Variants in PRDM6 observed in about 807,000 individuals in gnomAD.
PRDM6 encodes the protein putative histone-lysine N-methyltransferase PRDM6.
In PRDM6, 25 loss-of-function variants were observed where a neutral mutation model predicts 60.8. That is an observed-to-expected ratio of 0.41 (90% CI 0.30 to 0.57). The LOEUF (loss-of-function observed/expected upper bound fraction) is 0.57. PRDM6 is among the 20% of genes least tolerant of loss of function. PRDM6 has a pLI of 0.27. For synonymous variants in PRDM6, 407 were observed against 357.4 expected (o/e 1.14, Z -1.57); for missense variants, 839 against 821.3 (o/e 1.02, Z -0.26).
chr5:123,117,420 T>C (rs936638558), intron 3 of PRDM6, among the ~76,000 whole-genome samples: 7 of 152,334 alleles, frequency 4.6e-5, no homozygotes, highest in Admixed American at 3.3e-4. Context: ...CATTTTTTTT[T>C]CCTCTGGCCA....
In PRDM6 at chr5:123,190,850, T is replaced by C. The variant is rs994246331; in HGVS notation, c.*3649T>C. 6.6e-6 allele frequency: 1 copy of C among 152,226 alleles called. No homozygotes were observed. The highest frequency in any genetic ancestry group is 2.4e-5 in the African/African-American group (1 of 41,468). The allele number at this position is 152,226 out of a possible 1,614,324, so 9.4% of individuals were successfully genotyped here. On this transcript the variant is annotated 3_prime_UTR_variant, in exon 8 of 8. Coordinates refer to ENST00000407847, the MANE Select transcript of PRDM6 (RefSeq NM_001136239.4). ...TATTCATGATAAAATAATATTCTCCTCCTAAGTGGCTGCTAGTAAAATGGG... is the reference window on the plus strand; with the variant it reads ...TATTCATGATAAAATAATATTCTCCCCCTAAGTGGCTGCTAGTAAAATGGG...
rs979829062 is a variant in PRDM6, at chr5:123,192,172, T to C, written c.*4971T>C. On this transcript the variant is annotated 3_prime_UTR_variant, in exon 8 of 8. Coordinates refer to ENST00000407847, the MANE Select transcript of PRDM6 (RefSeq NM_001136239.4). ...AGGTTGATGGGAATGATGATGATTA[T>C]AAATTATATTGTGCAATTACTGCCA... 6.6e-6 allele frequency: 1 copy of C among 152,220 alleles called. No individual in the cohort carries two copies. The highest frequency in any genetic ancestry group is 1.5e-5 in the Non-Finnish European group (1 of 68,036). 9.4% of individuals were successfully genotyped at this position (152,220 alleles called of 1,614,324 possible).
intron 3 of PRDM6, among the ~76,000 whole-genome samples, chr5:123,113,133 A>T (rs908962906): frequency 2.6e-5 from 4 of 152,052 alleles, no homozygotes; most frequent in African/African-American, 9.7e-5. Context: ...CACATCTTCC[A>T]TTGGTGTGGT....
intron 3 of PRDM6, among the ~76,000 whole-genome samples, chr5:123,122,332 C>T (rs552541468): frequency 2.6e-5 from 4 of 152,128 alleles, no homozygotes; most frequent in African/African-American, 9.6e-5. Flanking sequence ...ATTTAAGATA[C>T]CTTTAAAATG....
intron 3 of PRDM6, among the ~76,000 whole-genome samples, chr5:123,140,794 G>A (rs1261557132): frequency 1.3e-5 from 2 of 152,098 alleles, no homozygotes; most frequent in African/African-American, 2.4e-5. Context: ...ATTGTTTTAT[G>A]TGTTTACTCT....
At position 123,180,282 on chromosome 5, in the gene PRDM6, C is replaced by T. The variant is rs1382827316; in HGVS notation, c.1632C>T (p.Leu544=). 1.3e-5 allele frequency: 20 copies of T among 1,551,588 alleles called. No homozygotes were observed. Among genetic ancestry groups the T allele is most frequent in the Non-Finnish European group, 1.7e-5 (20 of 1,146,980 alleles). ...GTGCCTTTGCCGGGGCCACCACCCT[C>T]AACAACCACATCCGAACCCACACTG... The part of the protein sequence containing the change: ...CGRAFAGATT[L]NNHIRTHTGE... Residue 544 remains leucine (L), a synonymous_variant, in exon 7 of 8, where the codon CTC becomes CTT. Coordinates refer to ENST00000407847, the MANE Select transcript of PRDM6 (RefSeq NM_001136239.4).
intron 3 of PRDM6, among the ~76,000 whole-genome samples, chr5:123,136,779 C>T (rs911286095): frequency 6.6e-5 from 10 of 152,180 alleles, no homozygotes; most frequent in Admixed American, 3.3e-4. Flanking sequence ...TCTCATTTTC[C>T]GTCTTTACTT....
At position 123,117,165 on chromosome 5, in the gene PRDM6, G is replaced by C. The variant is rs1764468882; in HGVS notation, c.900+17204G>C. On this transcript the variant is annotated intron_variant, in intron 3 of 7. Transcript: ENST00000407847. ...ATGACTTTTCCCAGGGGTCCTCCAG[G>C]ACTGCCCGGCAACCCAACAGTTCAT... Among the ~76,000 whole-genome samples, 3 of 152,150 alleles carry C rather than the reference G, an allele frequency of 2.0e-5. No homozygotes were observed. In the South Asian group the frequency reaches 6.2e-4, roughly 32 times the overall value.
In PRDM6 at chr5:123,094,450, C is replaced by G. The variant is rs532348131; in HGVS notation, c.592+3844C>G. 3.9e-5 allele frequency among the ~76,000 whole-genome samples: 6 copies of G among 152,118 alleles called. No individual in the cohort carries two copies. The South Asian group carries it at 1.2e-3, about 32-fold the overall frequency. ...TTTGTGTTTCTCTCTCTCTCTCTCT[C>G]TCTCTCTCGCGTGTGTGCAAGCCCA... On this transcript the variant is annotated intron_variant, in intron 2 of 7. Coordinates refer to ENST00000407847, the MANE Select transcript of PRDM6 (RefSeq NM_001136239.4).
intron 7 of PRDM6, among the ~76,000 whole-genome samples, chr5:123,184,739 T>C (rs537334614): frequency 6.6e-6 from 1 of 152,206 alleles, no homozygotes; most frequent in Non-Finnish European, 1.5e-5. Context: ...TGTAAGATAA[T>C]GAACATAAAA....
At chr5:123,121,816 C>G (rs1764586492) in intron 3 of PRDM6, among the ~76,000 whole-genome samples, 1 of 149,362 alleles carries the variant, frequency 6.7e-6, no homozygotes, top group Admixed American at 6.7e-5. Context: ...TCTTGCATCT[C>G]TTTTAATATG....
chr5:123,091,353 C>T (rs1351163074), intron 2 of PRDM6, among the ~76,000 whole-genome samples: 2 of 152,196 alleles, frequency 1.3e-5, no homozygotes, highest in African/African-American at 4.8e-5. Flanking sequence ...CATTCATAAC[C>T]CATGTTGGTT....
Position 123,090,158 on chromosome 5 carries a change from G to A in PRDM6, c.144G>A (p.Gln48=). ...SGAAGLLSAP[Q]PLQPPPPPPP... The stretch of plus-strand genomic sequence containing the variant: ...CCGCGGGTCTCCTGAGCGCGCCGCA[G>A]CCTCTTCAGCCGCCGCCGCCGCCCC... The change falls in exon 2 of 8, where the codon CAG becomes CAA. Residue 48 remains glutamine (Q), a synonymous_variant. Transcript: ENST00000407847. 1 of 1,505,432 alleles carries A rather than the reference G, an allele frequency of 6.6e-7. No homozygotes were observed. The highest frequency in any genetic ancestry group is 1.3e-5 in the South Asian group (1 of 79,678). The allele number at this position is 1,505,432 out of a possible 1,614,324, so 93.3% of individuals were successfully genotyped here. A position where few individuals can be genotyped will look rare whatever the true frequency, so the allele number is the denominator to read the frequency against.
At chr5:123,144,525 G>T (rs188393667) in intron 3 of PRDM6, among the ~76,000 whole-genome samples, 5 of 152,102 alleles carry the variant, frequency 3.3e-5, no homozygotes, top group African/African-American at 1.2e-4. Flanking sequence ...GGGGTGGGGG[G>T]ATGGTTTGAG....
Position 123,180,292 on chromosome 5 carries a change from A to G in PRDM6, c.1642A>G (p.Ile548Val), listed in dbSNP as rs1580543367. Residue 548 changes from isoleucine to valine, a missense_variant, in exon 7 of 8, where the codon ATC (isoleucine) becomes GTC (valine). Around this residue, in one of 2 missense-constraint regions of PRDM6, gnomAD observed 109 missense variants for 172.6 expected, o/e 0.63. Transcript: ENST00000407847. The stretch of plus-strand genomic sequence containing the variant: ...CGGGGCCACCACCCTCAACAACCAC[A>G]TCCGAACCCACACTGGAGAAAAGCC... ...FAGATTLNNH[I>V]RTHTGEKPFK... The G allele has an allele frequency of 1.0e-5, 16 of 1,551,520 alleles. No individual in the cohort carries two copies. In the East Asian group the frequency reaches 3.9e-4, roughly 38 times the overall value.
intron 3 of PRDM6, among the ~76,000 whole-genome samples, chr5:123,124,445 G>A (rs1764650050): frequency 6.6e-6 from 1 of 152,156 alleles, no homozygotes; most frequent in Non-Finnish European, 1.5e-5. Context: ...TGGTTCTAAA[G>A]GGCTAAGACA....
chr5:123,182,893 T>C (rs1766195413), intron 7 of PRDM6, among the ~76,000 whole-genome samples: 1 of 152,108 alleles, frequency 6.6e-6, no homozygotes, highest in Admixed American at 6.5e-5. Flanking sequence ...AAGTGCAAGA[T>C]TTAAACATCT....
At chr5:123,167,880 T>C (rs1340458479) in intron 5 of PRDM6, among the ~76,000 whole-genome samples, 1 of 152,256 alleles carries the variant, frequency 6.6e-6, no homozygotes, top group Non-Finnish European at 1.5e-5. Flanking sequence ...CATGCATTAC[T>C]TCCTGTTAGT....
intron 3 of PRDM6, among the ~76,000 whole-genome samples, chr5:123,154,884 T>C (rs955706965): frequency 7.2e-5 from 11 of 152,178 alleles, no homozygotes; most frequent in Non-Finnish European, 1.0e-4. Context: ...TCTTTAACTG[T>C]CCCTGCTTCC....
Sources: allele counts gnomAD v4.1 joint callset (sites outside exome capture counted in the v4.1 genomes callset), GRCh38; gene constraint gnomAD v4.1.1; regional missense constraint gnomAD v4.1.1; transcripts MANE v1.5; gene names NCBI Gene and HGNC (gene_info 2026-07-23, HGNC 2026-07-21).